STARD13: variants seen among roughly 807,000 people sequenced by gnomAD.
STARD13 encodes stAR-related lipid transfer protein 13.
STARD13 carries 62 observed loss-of-function variants against 106.4 expected under a neutral mutation model. The observed-to-expected ratio is 0.58, with a 90% CI of 0.48 to 0.72. The LOEUF is 0.72. STARD13 is among the 30% of genes least tolerant of loss of function. The probability of loss-of-function intolerance (pLI) is 0.00; values close to 1 mark genes in which losing one functional copy is unlikely to be tolerated. For synonymous variants in STARD13, 565 were observed against 553.0 expected (o/e 1.02, Z -0.31); for missense variants, 1,387 against 1,424.0 (o/e 0.97, Z 0.42).
chr13:33,619,700 G>C, the STARD13 span, among the ~76,000 whole-genome samples: 1 of 151,952 alleles, frequency 6.6e-6, no homozygotes, highest in Admixed American at 6.6e-5. Context: ...AAAATAGATG[G>C]GACAAATGTA....
At chr13:33,378,566 G>A in the STARD13 span, among the ~76,000 whole-genome samples, 557 of 152,152 alleles carry the variant, frequency 3.7e-3, 4 homozygotes, top group African/African-American at 0.013. Context: ...CGAGGCGGGC[G>A]GATCACGAGG....
chr13:33,217,437 T>C lies in STARD13; in HGVS notation c.170-49815A>G, dbSNP rs150993490. Among the ~76,000 whole-genome samples, 167 of 152,316 alleles carry C rather than the reference T, an allele frequency of 1.1e-3. 3 individuals carry two copies. In the East Asian group the frequency reaches 0.029, roughly 27 times the overall value. ...ACCTGCTCCTGTCAAATATGTCTCTTGTCAGACTGAGCAATGTCAGACTGA... is the reference window on the plus strand; with the variant it reads ...ACCTGCTCCTGTCAAATATGTCTCTCGTCAGACTGAGCAATGTCAGACTGA... On this transcript the variant is annotated intron_variant, in intron 1 of 13. Transcript: ENST00000336934.
chr13:33,291,387 C>A (rs1010589342), intron 1 of STARD13, among the ~76,000 whole-genome samples: 1 of 152,206 alleles, frequency 6.6e-6, no homozygotes, highest in African/African-American at 2.4e-5. Context: ...TCTTTTGGAT[C>A]TGCTCCAGTC....
chr13:33,384,374 T>A, the STARD13 span, among the ~76,000 whole-genome samples: 1 of 152,244 alleles, frequency 6.6e-6, no homozygotes, highest in Non-Finnish European at 1.5e-5. Context: ...AGCTGACTGT[T>A]AAATCACAGA....
the STARD13 span, among the ~76,000 whole-genome samples, chr13:33,552,988 C>T: frequency 6.6e-6 from 1 of 152,078 alleles, no homozygotes; most frequent in African/African-American, 2.4e-5. Context: ...TAAAGCTACA[C>T]TGTACTAGCT....
the STARD13 span, among the ~76,000 whole-genome samples, chr13:33,426,086 T>C: frequency 6.6e-6 from 1 of 152,232 alleles, no homozygotes. Flanking sequence ...CTTCTTGTAG[T>C]AAAGCTTCCT....
intron 3 of STARD13, among the ~76,000 whole-genome samples, chr13:33,161,914 T>A (rs9568962): frequency 0.22 from 33,492 of 151,888 alleles, 6,013 homozygotes; most frequent in African/African-American, 0.5. Flanking sequence ...TGATAAAACC[T>A]TCAGATCTTG....
At chr13:33,468,115 A>C in the STARD13 span, among the ~76,000 whole-genome samples, 2 of 152,214 alleles carry the variant, frequency 1.3e-5, no homozygotes, top group African/African-American at 2.4e-5. Context: ...CCCCGGTTCT[A>C]ATCCTACCTT....
chr13:33,313,700 A>G (rs1044992115), intron 1 of STARD13, among the ~76,000 whole-genome samples: 5 of 152,170 alleles, frequency 3.3e-5, no homozygotes, highest in African/African-American at 4.8e-5. Flanking sequence ...TGATGTTGAC[A>G]GACTAGAAAT....
At chr13:33,542,991 C>T in the STARD13 span, among the ~76,000 whole-genome samples, 3 of 152,216 alleles carry the variant, frequency 2.0e-5, no homozygotes, top group African/African-American at 7.2e-5. Context: ...GACTTTGTGG[C>T]GACTCTGAAG....
At chr13:33,646,293 C>T in the STARD13 span, among the ~76,000 whole-genome samples, 7 of 152,104 alleles carry the variant, frequency 4.6e-5, no homozygotes, top group Non-Finnish European at 8.8e-5. Flanking sequence ...TCTTAAAACG[C>T]GACATGGTAA....
At chr13:33,206,268 A>C (rs1163160370) in intron 1 of STARD13, among the ~76,000 whole-genome samples, 2 of 152,004 alleles carry the variant, frequency 1.3e-5, no homozygotes, top group Non-Finnish European at 2.9e-5. Context: ...TCCCATTTTA[A>C]GTTAGCCTAA....
intron 1 of STARD13, among the ~76,000 whole-genome samples, chr13:33,239,168 A>T (rs1300916439): frequency 2.6e-5 from 4 of 152,066 alleles, no homozygotes; most frequent in African/African-American, 7.2e-5. Flanking sequence ...TAGCATAATG[A>T]CCTCAAGGCT....
chr13:33,259,762 T>G (rs1890544218), intron 1 of STARD13, among the ~76,000 whole-genome samples: 1 of 152,152 alleles, frequency 6.6e-6, no homozygotes, highest in African/African-American at 2.4e-5. Context: ...TTATATCTAT[T>G]TATGCAGGCA....
chr13:33,545,907 T>A, the STARD13 span, among the ~76,000 whole-genome samples: 1 of 152,236 alleles, frequency 6.6e-6, no homozygotes, highest in East Asian at 1.9e-4. Context: ...AGTAAACCTC[T>A]TTTCTTCATA....
the STARD13 span, among the ~76,000 whole-genome samples, chr13:33,359,876 TTAAAG>T: frequency 2.0e-5 from 3 of 152,222 alleles, no homozygotes; most frequent in African/African-American, 2.4e-5. Context: ...ATTTCATTCT[TTAAAG>T]TAATCTAGAG....
the STARD13 span, among the ~76,000 whole-genome samples, chr13:33,578,041 T>C: frequency 6.6e-6 from 1 of 152,144 alleles, no homozygotes; most frequent in Admixed American, 6.5e-5. Flanking sequence ...TGCTCATGGA[T>C]TGGAAGAATC....
rs767354301 is a variant in STARD13, at chr13:33,110,785, C to T, written c.2730G>A (p.Leu910=). The T allele has an allele frequency of 3.1e-6, 5 of 1,614,186 alleles. No homozygotes were observed. The highest frequency in any genetic ancestry group is 4.2e-6 in the Non-Finnish European group (5 of 1,180,028). The part of the protein sequence containing the change: ...EESGATFHTY[L]NHLIQGLQKE... ...TCTGGAGGCCCTGGATGAGATGGTT[C>T]AGGTAAGTGTGGAAAGTTGCCCCAC... is the stretch of plus-strand genomic sequence containing the variant. Residue 910 remains leucine, a synonymous_variant, in exon 11 of 14, where the codon CTG becomes CTA. Transcript: ENST00000336934.
intron 1 of STARD13, among the ~76,000 whole-genome samples, chr13:33,216,564 G>GA (rs1566079807): frequency 1.3e-5 from 2 of 152,134 alleles, no homozygotes; most frequent in South Asian, 2.1e-4. Context: ...GACTCTGGGG[G>GA]AAAGGGTGGG....
Sources: gnomAD v4.1 joint callset for allele counts (sites outside exome capture counted in the v4.1 genomes callset) on GRCh38, gnomAD v4.1.1 for gene constraint, MANE v1.5 for transcripts, NCBI Gene and HGNC (gene_info 2026-07-23, HGNC 2026-07-21) for gene names.